Variants in RALYL observed in about 807,000 individuals in gnomAD.
RALYL encodes the protein RALY RNA binding protein like.
Under a neutral mutation model 35.1 loss-of-function variants are expected in RALYL, and 29 were observed. The ratio of observed to expected loss-of-function variants is 0.83; its 90% confidence interval spans 0.61 to 1.13. The LOEUF (loss-of-function observed/expected upper bound fraction) is 1.13. Among genes scored for constraint, RALYL ranks in the 50% most tolerant of loss-of-function variants. The pLI, the probability that RALYL is intolerant of heterozygous loss-of-function variation, is 0.00. For missense variants in RALYL, 359 were observed against 360.4 expected (o/e 1.00, Z 0.03); for synonymous variants, 120 against 127.6 (o/e 0.94, Z 0.40).
At chr8:84,915,145 A>G (rs983798366) in intron 8 of RALYL, among the ~76,000 whole-genome samples, 1 of 152,060 alleles carries the variant, frequency 6.6e-6, no homozygotes, top group Admixed American at 6.6e-5. Flanking sequence ...CACTATAAGA[A>G]TAAGTGTCAT....
intron 4 of RALYL, 122 bp from the exon 5 acceptor site, chr8:84,849,858 T>C (rs1420958069): frequency 5.3e-6 from 3 of 569,106 alleles, no homozygotes; most frequent in South Asian, 5.2e-5. Context: ...TTTGGATGCA[T>C]AATTATATTG....
chr8:84,571,850 C>A (rs534786151), intron 2 of RALYL, among the ~76,000 whole-genome samples: 1 of 151,596 alleles, frequency 6.6e-6, no homozygotes, highest in Non-Finnish European at 1.5e-5. Context: ...CTGATATCTG[C>A]CTTAATTTCT....
intron 1 of RALYL, among the ~76,000 whole-genome samples, chr8:84,417,643 C>T (rs116201133): frequency 0.029 from 4,462 of 151,756 alleles, 220 homozygotes; most frequent in African/African-American, 0.1. Context: ...TGGGAAATAA[C>T]TGTCTTCAGA....
chr8:84,862,619 C>T (rs946542459), intron 6 of RALYL, among the ~76,000 whole-genome samples, 166 bp downstream of exon 6: 1 of 152,178 alleles, frequency 6.6e-6, no homozygotes, highest in Non-Finnish European at 1.5e-5. Flanking sequence ...TGCTTTCCAC[C>T]ATACTGTGTT....
rs181496020 is a variant in RALYL, at chr8:84,368,032, T to C, written c.-23-161267T>C. Among the ~76,000 whole-genome samples the C allele has an allele frequency of 2.6e-3, 399 of 152,316 alleles. 3 individuals are homozygous for C. Among genetic ancestry groups the C allele is most frequent in the African/African-American group, 9.2e-3 (384 of 41,584 alleles). On this transcript the variant is annotated intron_variant, in intron 1 of 8. Transcript: ENST00000521268. ...AAGATCACTCTGATTTCTAAAACTATGTGATTCTATCATACCACTGTACTT... is the reference window on the plus strand; with the variant it reads ...AAGATCACTCTGATTTCTAAAACTACGTGATTCTATCATACCACTGTACTT...
At position 84,371,956 on chromosome 8, in the gene RALYL, ACACT is replaced by A. The variant is rs1343265892; in HGVS notation, c.-23-157340_-23-157337del. On this transcript the variant is annotated intron_variant, in intron 1 of 8. Coordinates refer to ENST00000521268, the MANE Select transcript of RALYL (RefSeq NM_173848.7). Reference sequence around the variant, plus strand: ...ATGCTGTGTGCAGCCCGCTAATAAAACACTCAGTTGTGATTAGCAGAAGAGCTGA... The same window carrying A: ...ATGCTGTGTGCAGCCCGCTAATAAAACAGTTGTGATTAGCAGAAGAGCTGA... 5.3e-5 allele frequency among the ~76,000 whole-genome samples: 8 copies of A among 151,878 alleles called. No homozygotes were observed. The South Asian group carries it at 1.7e-3, about 31-fold the overall frequency.
intron 1 of RALYL, among the ~76,000 whole-genome samples, chr8:84,191,626 A>G (rs145334823): frequency 0.013 from 1,941 of 152,348 alleles, 23 homozygotes; most frequent in Middle Eastern, 0.024. Context: ...ATAAGGCTGT[A>G]TCATTGTAAA....
At chr8:84,375,761 A>C (rs2131522077) in intron 1 of RALYL, among the ~76,000 whole-genome samples, 1 of 152,016 alleles carries the variant, frequency 6.6e-6, no homozygotes, top group African/African-American at 2.4e-5. Context: ...ATACTTTATT[A>C]GAATATGTCA....
chr8:84,891,387 T>C (rs964641805), intron 8 of RALYL, among the ~76,000 whole-genome samples: 6 of 152,178 alleles, frequency 3.9e-5, no homozygotes, highest in Non-Finnish European at 7.3e-5. Context: ...ATCAGAAATT[T>C]CAAAAACCAT....
At chr8:84,769,192 C>CT (rs1367685265) in intron 2 of RALYL, among the ~76,000 whole-genome samples, 2 of 152,020 alleles carry the variant, frequency 1.3e-5, no homozygotes, top group African/African-American at 4.8e-5. Flanking sequence ...ATTTTACATG[C>CT]TTTTTTTGTT....
intron 1 of RALYL, among the ~76,000 whole-genome samples, chr8:84,409,994 T>C (rs2043941297): frequency 6.6e-6 from 1 of 152,022 alleles, no homozygotes; most frequent in Admixed American, 6.6e-5. Flanking sequence ...TCTTAAAATC[T>C]TCTATTAATA....
At chr8:84,864,201 T>G (rs1041603098) in intron 6 of RALYL, among the ~76,000 whole-genome samples, 1 of 150,074 alleles carries the variant, frequency 6.7e-6, no homozygotes, top group Non-Finnish European at 1.5e-5. Flanking sequence ...GTGTGTGTGT[T>G]TGTGTGTGTG....
intron 1 of RALYL, among the ~76,000 whole-genome samples, chr8:84,214,268 A>C (rs1682342713): frequency 6.6e-6 from 1 of 152,132 alleles, no homozygotes; most frequent in Non-Finnish European, 1.5e-5. Context: ...AATTGGTATC[A>C]TTTCATATAC....
At chr8:84,411,305 T>A (rs16919779) in intron 1 of RALYL, among the ~76,000 whole-genome samples, 4,486 of 151,940 alleles carry the variant, frequency 0.03, 219 homozygotes, top group African/African-American at 0.1. Context: ...CACTTCAGAT[T>A]AGCTCTCAGT....
chr8:84,882,779 G>C (rs1411208974), intron 7 of RALYL, among the ~76,000 whole-genome samples: 2 of 151,612 alleles, frequency 1.3e-5, no homozygotes, highest in African/African-American at 4.8e-5. Flanking sequence ...ACAGTAAAAA[G>C]AGTGATGACT....
intron 1 of RALYL, among the ~76,000 whole-genome samples, chr8:84,426,564 T>C (rs1385394492): frequency 1.3e-5 from 2 of 152,008 alleles, no homozygotes; most frequent in African/African-American, 4.8e-5. Context: ...TCCAGGCCTA[T>C]CCATGTTGTA....
At chr8:84,713,554 A>AAAGTGTCAGTGAGTACAAAAAGTGACAAC (rs1842516147) in intron 2 of RALYL, among the ~76,000 whole-genome samples, 1 of 152,020 alleles carries the variant, frequency 6.6e-6, no homozygotes. Context: ...AATTGTTATA[A>AAAGTGTCAGTGAGTACAAAAAGTGACAAC]AAGTGTCAGT....
chr8:84,827,078 C>T (rs1350844325), intron 4 of RALYL, among the ~76,000 whole-genome samples: 1 of 151,864 alleles, frequency 6.6e-6, no homozygotes, highest in African/African-American at 2.4e-5. Flanking sequence ...AAATTAAAAA[C>T]CTTATAGCAG....
rs140445172 is a variant in RALYL, at chr8:84,897,198, T to C, written c.858+9422T>C. On this transcript the variant is annotated intron_variant, in intron 8 of 8. Coordinates refer to ENST00000521268, the MANE Select transcript of RALYL (RefSeq NM_173848.7). ...CATGGACTGCACTTAGCAAAGTCAC[T>C]GGCACAAAGTAAACAAGTAAATTGC... 2.1e-3 allele frequency among the ~76,000 whole-genome samples: 317 copies of C among 152,318 alleles called. 1 individual carries two copies. Among genetic ancestry groups the C allele is most frequent in the Non-Finnish European group, 3.1e-3 (210 of 68,032 alleles).
Sources: allele counts gnomAD v4.1 joint callset (sites outside exome capture counted in the v4.1 genomes callset), GRCh38; gene constraint gnomAD v4.1.1; transcripts MANE v1.5; gene names NCBI Gene and HGNC (gene_info 2026-07-23, HGNC 2026-07-21).